Variants in ARHGAP15 observed in about 807,000 individuals in gnomAD.
ARHGAP15 encodes Rho GTPase activating protein 15.
In ARHGAP15, 51 loss-of-function variants were observed where a neutral mutation model predicts 63.7. That is an observed-to-expected ratio of 0.80 (90% CI 0.64 to 1.01). The LOEUF is 1.01. Among genes scored for constraint, ARHGAP15 ranks in the 50% least tolerant of loss-of-function variants. ARHGAP15 has a pLI of 0.00. For synonymous variants in ARHGAP15, 191 were observed against 193.8 expected (o/e 0.99, Z 0.12); for missense variants, 560 against 564.6 (o/e 0.99, Z 0.08).
At chr2:143,591,502 A>C (rs1023831778) in intron 11 of ARHGAP15, among the ~76,000 whole-genome samples, 4 of 152,204 alleles carry the variant, frequency 2.6e-5, no homozygotes, top group African/African-American at 9.6e-5. Context: ...AAGACTAATA[A>C]TACTTCCTAA....
rs1173912652 is a variant in ARHGAP15 at position 143,155,480 on chromosome 2, A to G, written c.-11A>G. 1 of 1,593,456 alleles carries G rather than the reference A, an allele frequency of 6.3e-7. No homozygotes were observed. Among genetic ancestry groups the G allele is most frequent in the Non-Finnish European group, 8.5e-7 (1 of 1,172,808 alleles). ...AATACATTTTATATTTTATCAGGATAGCACTATAATATGCAGAAATCTACA... is the reference window on the plus strand; with the variant it reads ...AATACATTTTATATTTTATCAGGATGGCACTATAATATGCAGAAATCTACA... On this transcript the variant is annotated 5_prime_UTR_variant, in exon 2 of 14. In the 5' UTR this introduces an upstream ATG that the reference lacks. Transcript: ENST00000295095.
intron 12 of ARHGAP15, among the ~76,000 whole-genome samples, chr2:143,647,554 C>T (rs1303325112): frequency 6.6e-6 from 1 of 151,924 alleles, no homozygotes; most frequent in Non-Finnish European, 1.5e-5. Context: ...TGTGGTACTG[C>T]AAGGCTGCCT....
intron 6 of ARHGAP15, among the ~76,000 whole-genome samples, chr2:143,304,756 C>A (rs1322100538): frequency 1.3e-5 from 2 of 151,932 alleles, no homozygotes; most frequent in Non-Finnish European, 2.9e-5. Flanking sequence ...TAGAGAAATG[C>A]AAATGAAAAC....
chr2:143,317,496 T>A (rs997890833), intron 6 of ARHGAP15, among the ~76,000 whole-genome samples: 1 of 152,162 alleles, frequency 6.6e-6, no homozygotes, highest in East Asian at 1.9e-4. Context: ...GAAAGAAGAC[T>A]TGTTTTGAGA....
chr2:143,471,318 C>T (rs1261741814), intron 8 of ARHGAP15, among the ~76,000 whole-genome samples: 1 of 149,520 alleles, frequency 6.7e-6, no homozygotes, highest in African/African-American at 2.5e-5. Flanking sequence ...CACACACATA[C>T]TGAGCACTTT....
At chr2:143,338,273 G>T (rs1159245681) in intron 6 of ARHGAP15, among the ~76,000 whole-genome samples, 1 of 152,114 alleles carries the variant, frequency 6.6e-6, no homozygotes, top group Admixed American at 6.6e-5. Flanking sequence ...AAAGTAAATA[G>T]AAATAAACAT....
intron 11 of ARHGAP15, among the ~76,000 whole-genome samples, chr2:143,606,035 C>CAAAAAAAAAAAAAAAAAAAAAAAAAA (rs869266541): frequency 8.7e-5 from 2 of 22,874 alleles, no homozygotes; most frequent in Admixed American, 8.6e-4. Context: ...GACTCTGTCT[C>CAAAAAAAAAAAAAAAAAAAAAAAAAA]AAAAAAAAAA....
chr2:143,678,577 C>T (rs1682939616), intron 12 of ARHGAP15, among the ~76,000 whole-genome samples: 1 of 152,158 alleles, frequency 6.6e-6, no homozygotes, highest in Non-Finnish European at 1.5e-5. Flanking sequence ...ACATAGGTGT[C>T]CTGGTCAATT....
chr2:143,759,233 C>A (rs1038233504), intron 13 of ARHGAP15, among the ~76,000 whole-genome samples: 10 of 151,972 alleles, frequency 6.6e-5, no homozygotes, highest in African/African-American at 2.2e-4. Context: ...AAATGGGGAA[C>A]CACTGCCTAA....
At chr2:143,402,401 A>G (rs2104999428) in intron 6 of ARHGAP15, among the ~76,000 whole-genome samples, 1 of 151,906 alleles carries the variant, frequency 6.6e-6, no homozygotes, top group East Asian at 1.9e-4. Flanking sequence ...AAAATAGACA[A>G]CAGCAAAGGT....
intron 10 of ARHGAP15, among the ~76,000 whole-genome samples, chr2:143,546,476 G>C (rs1201776773): frequency 6.6e-6 from 1 of 151,974 alleles, no homozygotes; most frequent in Non-Finnish European, 1.5e-5. Flanking sequence ...GTGTATGTAG[G>C]CACAGAGTAC....
At chr2:143,367,595 T>C (rs558132670) in intron 6 of ARHGAP15, among the ~76,000 whole-genome samples, 30 of 152,212 alleles carry the variant, frequency 2.0e-4, no homozygotes, top group South Asian at 1.7e-3. Flanking sequence ...CTTTCAGGAT[T>C]TTCCATTTAC....
In ARHGAP15 at chr2:143,437,042, A is replaced by T. The variant is rs1689644920; in HGVS notation, c.703A>T (p.Met235Leu). The T allele has an allele frequency of 1.9e-6, 3 of 1,593,754 alleles. No homozygotes were observed. The East Asian group carries it at 6.7e-5, about 36-fold the overall frequency. Residue 235 changes from methionine to leucine, a missense_variant and splice_region_variant, in exon 8 of 14, where the codon ATG becomes TTG. Met to Leu is a conservative substitution (Grantham distance 15). Coordinates refer to ENST00000295095, the MANE Select transcript of ARHGAP15 (RefSeq NM_018460.4). ...EQKPEHRKSL[M>L]FRLHHSASDT... ...GAAACCAGAGCACAGAAAATCTTTA[A>T]GTGAGTATTTTCTTTGACTTGCTCA...
intron 13 of ARHGAP15, among the ~76,000 whole-genome samples, chr2:143,713,600 C>A (rs562454200): frequency 1.3e-5 from 2 of 152,260 alleles, no homozygotes; most frequent in South Asian, 4.1e-4. Context: ...AGACAAGGCA[C>A]GTCACTTCTG....
chr2:143,484,620 A>G (rs1336418961), intron 8 of ARHGAP15, among the ~76,000 whole-genome samples: 3 of 152,206 alleles, frequency 2.0e-5, no homozygotes, highest in Admixed American at 6.5e-5. Flanking sequence ...CAGCACTGCC[A>G]TGTATATAGT....
chr2:143,538,329 A>G (rs562274981), intron 10 of ARHGAP15, among the ~76,000 whole-genome samples: 28 of 152,242 alleles, frequency 1.8e-4, no homozygotes, highest in African/African-American at 4.6e-4. Context: ...CTGCAAACAG[A>G]GACAATTTGA....
chr2:143,615,444 T>C (rs1358782956), intron 11 of ARHGAP15, among the ~76,000 whole-genome samples: 1 of 152,202 alleles, frequency 6.6e-6, no homozygotes, highest in African/African-American at 2.4e-5. Flanking sequence ...GAAATTATAT[T>C]ACATTCTGGA....
In ARHGAP15 at chr2:143,637,410, T is replaced by A; in HGVS notation, c.1138+13143T>A. On this transcript the variant is annotated intron_variant, in intron 12 of 13. Coordinates refer to ENST00000295095, the MANE Select transcript of ARHGAP15 (RefSeq NM_018460.4). ...AGATAAGTTTGTACAAGTTTAAATT[T>A]CCATGCTGAAATGTGCACACCATCT... Among the ~76,000 whole-genome samples the A allele has an allele frequency of 1.3e-5, 2 of 152,176 alleles. 1 individual carries two copies. Among genetic ancestry groups the A allele is most frequent in the Middle Eastern group, 6.8e-3 (2 of 294 alleles).
intron 13 of ARHGAP15, among the ~76,000 whole-genome samples, chr2:143,767,316 TC>T (rs2072954534): frequency 6.6e-6 from 1 of 152,200 alleles, no homozygotes; most frequent in East Asian, 1.9e-4. Context: ...TCATTGGTAT[TC>T]CAGCTCTCCA....
Sources: gnomAD v4.1 joint callset for allele counts (sites outside exome capture counted in the v4.1 genomes callset) on GRCh38, gnomAD v4.1.1 for gene constraint, MANE v1.5 for transcripts, NCBI Gene and HGNC (gene_info 2026-07-23, HGNC 2026-07-21) for gene names.